Variants in MCTP1 observed in about 807,000 individuals in gnomAD.
MCTP1 encodes the protein multiple C2 and transmembrane domain-containing protein 1.
Under a neutral mutation model 120.6 loss-of-function variants are expected in MCTP1, and 69 were observed. The observed-to-expected ratio is 0.57, with a 90% CI of 0.47 to 0.70. The LOEUF (loss-of-function observed/expected upper bound fraction) is 0.70, where lower values mean the gene tolerates loss of function less well. Ranked by LOEUF, MCTP1 falls within the 30% of genes least tolerant of loss-of-function variation. The pLI is 0.00. For synonymous variants in MCTP1, 529 were observed against 493.1 expected (o/e 1.07, Z -0.96); for missense variants, 1,203 against 1,248.8 (o/e 0.96, Z 0.55).
At chr5:95,250,642 A>G (rs1186559470) in intron 1 of MCTP1, among the ~76,000 whole-genome samples, 1 of 152,206 alleles carries the variant, frequency 6.6e-6, no homozygotes, top group Admixed American at 6.6e-5. Flanking sequence ...TCTCCTCTAT[A>G]AAAATGAATA....
intron 10 of MCTP1, among the ~76,000 whole-genome samples, chr5:94,902,505 A>G (rs1429167683): frequency 6.6e-6 from 1 of 152,164 alleles, no homozygotes; most frequent in Non-Finnish European, 1.5e-5. Flanking sequence ...CCTCTATGAG[A>G]GGGGGTTTTA....
chr5:94,945,592 A>C (rs1202712883), intron 3 of MCTP1, among the ~76,000 whole-genome samples: 1 of 152,224 alleles, frequency 6.6e-6, no homozygotes, highest in Non-Finnish European at 1.5e-5. Context: ...AGCAGTGATC[A>C]AAACAGTCAA....
chr5:94,823,504 T>A (rs1211558782), intron 17 of MCTP1, among the ~76,000 whole-genome samples: 1 of 152,212 alleles, frequency 6.6e-6, no homozygotes. Context: ...TTCTTTTTGC[T>A]TAGGATTGTC....
chr5:95,284,146 C>CGGAG lies in MCTP1; in HGVS notation c.429_430insCTCC (p.Gly144LeufsTer40), dbSNP rs1226914715. On this transcript the variant is annotated frameshift_variant, in exon 1 of 23. Transcript: ENST00000515393. LOFTEE classifies it high-confidence loss of function. This position sits in a 1 kb window ranked among gnomAD's most constrained non-coding sequence, Gnocchi z 5.2. ...GAGCGTCCGCCAGGAGGCGTCCCTC[C>CGGAG]CGCTGCTCCCGAGGCCGCCGCGGGC... 9 of 1,557,108 alleles carry CGGAG rather than the reference C, an allele frequency of 5.8e-6. No individual in the cohort carries two copies. Among genetic ancestry groups the CGGAG allele is most frequent in the African/African-American group, 1.4e-5 (1 of 72,838 alleles).
chr5:94,971,554 C>T (rs1826878923), intron 2 of MCTP1, among the ~76,000 whole-genome samples: 2 of 152,158 alleles, frequency 1.3e-5, no homozygotes, highest in Admixed American at 6.5e-5. Flanking sequence ...CTAGTGGATG[C>T]TTCTATAATC....
At chr5:95,153,233 C>A (rs1744733022) in intron 1 of MCTP1, among the ~76,000 whole-genome samples, 1 of 152,098 alleles carries the variant, frequency 6.6e-6, no homozygotes, top group Admixed American at 6.6e-5. Flanking sequence ...GTTTGGCATT[C>A]CCCCCGACCT....
intron 19 of MCTP1, among the ~76,000 whole-genome samples, chr5:94,725,501 A>G (rs1163735798): frequency 6.6e-6 from 1 of 152,202 alleles, no homozygotes; most frequent in East Asian, 1.9e-4. Context: ...TTCTAATGAA[A>G]AAGTTGTAGG....
intron 19 of MCTP1, among the ~76,000 whole-genome samples, chr5:94,767,460 G>C (rs1312192088): frequency 2.0e-5 from 3 of 152,044 alleles, no homozygotes; most frequent in African/African-American, 7.2e-5. Context: ...TGGAAAAAAA[G>C]GAAGTCAAAT....
chr5:94,894,958 C>T lies in MCTP1; in HGVS notation c.1653-123G>A, dbSNP rs1561818357. On this transcript the variant is annotated intron_variant, in intron 10 of 22. Transcript: ENST00000515393. Reference sequence around the variant, plus strand: ...TATTATTTGGACCATTGGAAGAATACATCTTTCAAGTCAGCTGACTTTCTT... The same window carrying T: ...TATTATTTGGACCATTGGAAGAATATATCTTTCAAGTCAGCTGACTTTCTT... 10 of 602,212 alleles carry T rather than the reference C, an allele frequency of 1.7e-5. No homozygotes were observed. In the East Asian group the frequency reaches 2.6e-4, roughly 15 times the overall value. The allele number at this position is 602,212 out of a possible 1,614,324, so 37.3% of individuals were successfully genotyped here.
intron 1 of MCTP1, among the ~76,000 whole-genome samples, chr5:95,230,661 A>G (rs1754830263): frequency 6.6e-6 from 1 of 152,188 alleles, no homozygotes; most frequent in South Asian, 2.1e-4. Flanking sequence ...AATGACCTTG[A>G]GCAGCAGGAT....
chr5:94,971,706 G>A (rs1212284827), intron 2 of MCTP1, among the ~76,000 whole-genome samples: 1 of 152,166 alleles, frequency 6.6e-6, no homozygotes, highest in Non-Finnish European at 1.5e-5. Context: ...TAAAAGTGAT[G>A]TGAGGTCGAA....
At chr5:94,772,594 G>C (rs1396747147) in intron 19 of MCTP1, among the ~76,000 whole-genome samples, 3 of 152,176 alleles carry the variant, frequency 2.0e-5, no homozygotes, top group Non-Finnish European at 4.4e-5. Flanking sequence ...CAGGGATTAA[G>C]TCATGGGCAT....
intron 8 of MCTP1, among the ~76,000 whole-genome samples, chr5:94,917,603 G>A (rs1202342817): frequency 6.6e-6 from 1 of 152,078 alleles, no homozygotes. Context: ...ATTCATCCAA[G>A]TTCATAATTA....
intron 1 of MCTP1, among the ~76,000 whole-genome samples, chr5:95,022,553 T>A (rs911112984): frequency 1.3e-5 from 2 of 152,164 alleles, no homozygotes; most frequent in African/African-American, 2.4e-5. Flanking sequence ...AAATTGAAAA[T>A]GAATTATGCT....
At chr5:94,983,748 G>C (rs1829953670) in intron 2 of MCTP1, among the ~76,000 whole-genome samples, 1 of 152,110 alleles carries the variant, frequency 6.6e-6, no homozygotes, top group Non-Finnish European at 1.5e-5. Flanking sequence ...ACCATACATG[G>C]CTGGGTATCC....
intron 17 of MCTP1, among the ~76,000 whole-genome samples, chr5:94,865,598 C>G (rs1157876411): frequency 6.6e-6 from 1 of 151,808 alleles, no homozygotes; most frequent in Admixed American, 6.6e-5. Context: ...TTTCAATAAA[C>G]AGGGCTAAAA....
chr5:95,259,770 T>A (rs1320723888), intron 1 of MCTP1, among the ~76,000 whole-genome samples: 1 of 152,100 alleles, frequency 6.6e-6, no homozygotes, highest in Non-Finnish European at 1.5e-5. Context: ...TGGTACCCTA[T>A]CACAGTATTC....
intron 1 of MCTP1, among the ~76,000 whole-genome samples, chr5:95,060,426 T>G (rs1179967165): frequency 1.3e-5 from 2 of 152,160 alleles, no homozygotes; most frequent in Non-Finnish European, 2.9e-5. Flanking sequence ...ATAAAATTAT[T>G]CATGTTGGAA....
At chr5:94,925,677 G>A (rs946165834) in intron 6 of MCTP1, among the ~76,000 whole-genome samples, 1 of 152,164 alleles carries the variant, frequency 6.6e-6, no homozygotes, top group African/African-American at 2.4e-5. Context: ...CCAAAGTGCT[G>A]GGATTACAGG....
Sources: allele counts gnomAD v4.1 joint callset (sites outside exome capture counted in the v4.1 genomes callset), GRCh38; gene constraint gnomAD v4.1.1; non-coding constraint Gnocchi (gnomAD v3.1); transcripts MANE v1.5; gene names NCBI Gene and HGNC (gene_info 2026-07-23, HGNC 2026-07-21).